LUC7L2: variants seen among roughly 807,000 people sequenced by gnomAD.
LUC7L2 encodes LUC7 like 2, pre-mRNA splicing factor.
LUC7L2 carries 25 observed loss-of-function variants against 52.8 expected under a neutral mutation model. The ratio of observed to expected loss-of-function variants is 0.47; its 90% CI spans 0.34 to 0.66. The LOEUF (loss-of-function observed/expected upper bound fraction) is 0.66, where lower values mean the gene tolerates loss of function less well. Among genes scored for constraint, LUC7L2 ranks in the 30% least tolerant of loss-of-function variants. The pLI is 0.01. For missense variants in LUC7L2, 328 were observed against 497.8 expected (o/e 0.66, Z 3.25); for synonymous variants, 144 against 160.9 (o/e 0.89, Z 0.80).
intron 2 of LUC7L2, among the ~76,000 whole-genome samples, chr7:139,393,128 G>A (rs1794516756): frequency 6.6e-6 from 1 of 152,080 alleles, no homozygotes. Context: ...TTAGCCAGGT[G>A]TGGTGGTGCA....
upstream of LUC7L2, chr7:139,359,310 CTGTTT>C (rs1461915203): frequency 6.5e-6 from 1 of 153,212 alleles, no homozygotes. Flanking sequence ...GTCGGCGCGC[CTGTTT>C]CCTAGGGTAC....
chr7:139,420,205 A>ATTTAT (rs1181844429), intron 9 of LUC7L2, among the ~76,000 whole-genome samples: 1 of 151,696 alleles, frequency 6.6e-6, no homozygotes, highest in African/African-American at 2.4e-5. Flanking sequence ...AGGCTAAGTA[A>ATTTAT]TTTATTTTTT....
At chr7:139,421,053 G>A (rs1456623891) in intron 9 of LUC7L2, among the ~76,000 whole-genome samples, 2 of 152,132 alleles carry the variant, frequency 1.3e-5, no homozygotes, top group African/African-American at 2.4e-5. Context: ...TGCCTGCCTT[G>A]GCCTCCCAAA....
chr7:139,375,373 G>GTA (rs1214979929), intron 1 of LUC7L2: 1 of 985,236 alleles, frequency 1.0e-6, no homozygotes, highest in Non-Finnish European at 1.2e-6. Context: ...AAACTTGGAG[G>GTA]TATGGAACCT....
chr7:139,391,192 C>T (rs1485567323), intron 2 of LUC7L2, among the ~76,000 whole-genome samples: 3 of 152,158 alleles, frequency 2.0e-5, no homozygotes, highest in Non-Finnish European at 4.4e-5. Flanking sequence ...TACACTGTGG[C>T]AGTCAAATCC....
At chr7:139,362,663 C>G (rs1424096334) in intron 1 of LUC7L2, among the ~76,000 whole-genome samples, 1 of 146,184 alleles carries the variant, frequency 6.8e-6, no homozygotes, top group African/African-American at 2.6e-5. Context: ...TATAAAGCAG[C>G]GACTCTCTTT....
chr7:139,405,693 A>G lies in LUC7L2; in HGVS notation c.416A>G (p.Lys139Arg). The change falls in exon 5 of 10, where the codon AAG (lysine) becomes AGG (arginine). Residue 139 changes from lysine to arginine, a missense_variant. Transcript: ENST00000354926. ...GAAGAAATTGGTAAATTGTTAGCCAAGGTGGAACAACTAGGAGCTGAAGGG... is the reference window on the plus strand; with the variant it reads ...GAAGAAATTGGTAAATTGTTAGCCAGGGTGGAACAACTAGGAGCTGAAGGG... ...LNEEIGKLLA[K>R]VEQLGAEGNV... 1.2e-6 allele frequency: 2 copies of G among 1,613,140 alleles called. No homozygotes were observed. Among genetic ancestry groups the G allele is most frequent in the Non-Finnish European group, 1.7e-6 (2 of 1,179,704 alleles).
intron 2 of LUC7L2, chr7:139,392,729 C>T (rs1293357270): frequency 1.2e-5 from 2 of 163,052 alleles, no homozygotes; most frequent in Admixed American, 6.5e-5. Context: ...GATCTTGGCT[C>T]ACCGCAACCT....
intron 2 of LUC7L2, chr7:139,392,458 C>A: frequency 2.4e-6 from 1 of 410,570 alleles, no homozygotes; most frequent in Non-Finnish European, 4.9e-6. Context: ...TGCTGTGGAG[C>A]TATAAGTTAC....
At chr7:139,398,500 T>C in intron 2 of LUC7L2, 99 bp from the exon 3 acceptor site, 1 of 879,080 alleles carries the variant, frequency 1.1e-6, no homozygotes, top group African/African-American at 1.7e-5. Context: ...AAAAAGCATC[T>C]GTATGACTTA....
intron 1 of LUC7L2, among the ~76,000 whole-genome samples, chr7:139,347,831 G>T (rs977378029): frequency 2.6e-5 from 4 of 152,044 alleles, no homozygotes; most frequent in Non-Finnish European, 5.9e-5. Flanking sequence ...CTCCTGAGTG[G>T]CTGGGACTGC....
Position 139,398,273 on chromosome 7 carries a change from C to G in LUC7L2, c.157-326C>G, listed in dbSNP as rs186705195. Among the ~76,000 whole-genome samples the G allele has an allele frequency of 2.1e-4, 32 of 152,276 alleles. No individual in the cohort carries two copies. The South Asian group carries it at 3.5e-3, about 17-fold the overall frequency. Reference sequence around the variant, plus strand: ...TTCTTTTAGTTTGGTTTAAAATTAACTTGATCTTTTTTGTGTTGTGGAGCT... The same window carrying G: ...TTCTTTTAGTTTGGTTTAAAATTAAGTTGATCTTTTTTGTGTTGTGGAGCT... On this transcript the variant is annotated intron_variant, in intron 2 of 9. Transcript: ENST00000354926.
intron 8 of LUC7L2, among the ~76,000 whole-genome samples, chr7:139,415,902 A>G (rs893922810): frequency 1.3e-5 from 2 of 151,770 alleles, no homozygotes; most frequent in African/African-American, 4.8e-5. Flanking sequence ...AGCATCGTTC[A>G]TAACAATCAG....
chr7:139,410,176 C>G (rs1028659568), intron 7 of LUC7L2, among the ~76,000 whole-genome samples: 1 of 151,782 alleles, frequency 6.6e-6, no homozygotes, highest in African/African-American at 2.4e-5. Context: ...CCACTGCACT[C>G]CAGCCTGGGC....
At chr7:139,374,736 A>G in intron 1 of LUC7L2, 2 of 1,281,382 alleles carry the variant, frequency 1.6e-6, no homozygotes, top group Non-Finnish European at 2.0e-6. Flanking sequence ...AGAATGTTTT[A>G]AAAATATCTT....
At chr7:139,393,475 A>G (rs1794533471) in intron 2 of LUC7L2, among the ~76,000 whole-genome samples, 1 of 151,996 alleles carries the variant, frequency 6.6e-6, no homozygotes, top group Non-Finnish European at 1.5e-5. Context: ...ATTTTGTGAC[A>G]GAGTCTTACT....
chr7:139,369,305 TTAAAA>T (rs1434986296), intron 1 of LUC7L2, among the ~76,000 whole-genome samples: 2 of 152,230 alleles, frequency 1.3e-5, no homozygotes, highest in African/African-American at 4.8e-5. Context: ...GCCATATATC[TTAAAA>T]TAAATTCTAT....
chr7:139,387,978 G>A (rs1042560890), intron 2 of LUC7L2, among the ~76,000 whole-genome samples: 8 of 151,784 alleles, frequency 5.3e-5, no homozygotes, highest in Admixed American at 1.3e-4. Flanking sequence ...TCTTTCCCTC[G>A]CATGCTTCTC....
chr7:139,345,640 A>C (rs747516841), intron 1 of LUC7L2: 1 of 1,614,086 alleles, frequency 6.2e-7, no homozygotes, highest in South Asian at 1.1e-5. Context: ...TCGGTGGAGG[A>C]GTCTGCTGGC....
Sources: allele counts gnomAD v4.1 joint callset (sites outside exome capture counted in the v4.1 genomes callset), GRCh38; gene constraint gnomAD v4.1.1; transcripts MANE v1.5; gene names NCBI Gene and HGNC (gene_info 2026-07-23, HGNC 2026-07-21).